Variants in CTNNA2 observed in about 807,000 individuals in gnomAD.
CTNNA2 encodes the protein catenin alpha-2.
Under a neutral mutation model 101.0 loss-of-function variants are expected in CTNNA2, and 42 were observed. That is an observed-to-expected ratio of 0.42 (90% CI 0.32 to 0.54). The LOEUF (loss-of-function observed/expected upper bound fraction) is 0.54, where lower values mean the gene tolerates loss of function less well. CTNNA2 is among the 20% of genes least tolerant of loss of function. The pLI is 0.14. For synonymous variants in CTNNA2, 450 were observed against 456.4 expected (o/e 0.99, Z 0.18); for missense variants, 871 against 1,223.1 (o/e 0.71, Z 4.29).
intron 4 of CTNNA2, among the ~76,000 whole-genome samples, chr2:79,390,864 G>C (rs1678164240): frequency 6.6e-6 from 1 of 152,054 alleles, no homozygotes; most frequent in African/African-American, 2.4e-5. Flanking sequence ...CAAAAAGACT[G>C]GTGCTCAACC....
chr2:80,529,622 C>T (rs981859001), intron 9 of CTNNA2, among the ~76,000 whole-genome samples: 2 of 152,068 alleles, frequency 1.3e-5, no homozygotes, highest in African/African-American at 2.4e-5. Flanking sequence ...ACTTGGATCC[C>T]ACAAAAGATT....
chr2:80,344,778 A>G, intron 7 of CTNNA2, among the ~76,000 whole-genome samples: 1 of 152,174 alleles, frequency 6.6e-6, no homozygotes, highest in African/African-American at 2.4e-5. Flanking sequence ...GAGCCACAAC[A>G]CATGGCCTCC....
intron 7 of CTNNA2, among the ~76,000 whole-genome samples, chr2:79,930,300 G>GAAAGAAAGAAAGAAAGAAAGAAAGAA (rs1687327617): frequency 2.9e-5 from 1 of 34,458 alleles, no homozygotes; most frequent in African/African-American, 1.3e-4. Flanking sequence ...GAAAGAGAAA[G>GAAAGAAAGAAAGAAAGAAAGAAAGAA]AAAGAAAGAA....
intron 7 of CTNNA2, among the ~76,000 whole-genome samples, chr2:79,936,237 C>G (rs1441457373): frequency 9.1e-6 from 1 of 110,432 alleles, no homozygotes; most frequent in Non-Finnish European, 1.8e-5. Context: ...TATTTTTTTT[C>G]TCATGCTGGG....
rs373929141 is a variant in CTNNA2, at chr2:80,441,790, G to A, written c.1290+22189G>A. Among the ~76,000 whole-genome samples, 19 of 152,330 alleles carry A rather than the reference G, an allele frequency of 1.2e-4. 1 individual carries two copies. In the East Asian group the frequency reaches 3.7e-3, roughly 29 times the overall value. On this transcript the variant is annotated intron_variant, in intron 9 of 18. Coordinates refer to ENST00000402739, the MANE Select transcript of CTNNA2 (RefSeq NM_001282597.3). ...ACACAAGAAATAAGTTGAGCCCAAA[G>A]ATTAGGTAAAATAGGAGAGGTCATG...
At chr2:80,529,829 C>T (rs1023442404) in intron 9 of CTNNA2, among the ~76,000 whole-genome samples, 1 of 152,132 alleles carries the variant, frequency 6.6e-6, no homozygotes, top group Non-Finnish European at 1.5e-5. Flanking sequence ...CAGACTGATT[C>T]AGCGAGGGGG....
At chr2:79,911,206 C>T (rs1227236856) in intron 7 of CTNNA2, among the ~76,000 whole-genome samples, 4 of 152,262 alleles carry the variant, frequency 2.6e-5, no homozygotes, top group South Asian at 2.1e-4. Context: ...GATGTGTCAA[C>T]GAAGAATGCT....
intron 1 of CTNNA2, among the ~76,000 whole-genome samples, chr2:79,568,609 G>A (rs1675261571): frequency 6.6e-6 from 1 of 151,546 alleles, no homozygotes; most frequent in African/African-American, 2.4e-5. Context: ...AAAAAGAAAA[G>A]TAACGAAAAG....
intron 6 of CTNNA2, among the ~76,000 whole-genome samples, chr2:79,881,780 T>C (rs923119904): frequency 2.6e-5 from 4 of 151,492 alleles, no homozygotes; most frequent in African/African-American, 2.4e-5. Flanking sequence ...TCTGTGTCTT[T>C]TAATTGGGCC....
intron 6 of CTNNA2, among the ~76,000 whole-genome samples, chr2:79,899,387 C>T (rs1028794058): frequency 6.6e-6 from 1 of 152,114 alleles, no homozygotes; most frequent in African/African-American, 2.4e-5. Context: ...AGCAACTCAG[C>T]AACACACAGA....
chr2:79,193,233 C>A (rs1262464956), intron 1 of CTNNA2, among the ~76,000 whole-genome samples: 1 of 151,874 alleles, frequency 6.6e-6, no homozygotes, highest in Non-Finnish European at 1.5e-5. Context: ...AGTGTTTTTT[C>A]CAGTTTCTTG....
At chr2:79,623,819 G>T (rs1231562317) in intron 1 of CTNNA2, among the ~76,000 whole-genome samples, 1 of 152,066 alleles carries the variant, frequency 6.6e-6, no homozygotes, top group Non-Finnish European at 1.5e-5. Context: ...ACATAAAATG[G>T]CTTGGATATT....
At chr2:80,600,510 C>T (rs1291786276) in intron 15 of CTNNA2, among the ~76,000 whole-genome samples, 4 of 151,750 alleles carry the variant, frequency 2.6e-5, no homozygotes, top group Admixed American at 2.6e-4. Context: ...TAGAAAGAGT[C>T]AATAGAAACA....
chr2:79,334,884 T>C (rs10192881), intron 3 of CTNNA2, among the ~76,000 whole-genome samples: 53,788 of 151,960 alleles, frequency 0.35, 9,989 homozygotes, highest in African/African-American at 0.46. Context: ...TCCTTGTTGG[T>C]TGATTAAATA....
chr2:80,109,514 T>C (rs1205138043), intron 7 of CTNNA2, among the ~76,000 whole-genome samples: 1 of 152,132 alleles, frequency 6.6e-6, no homozygotes, highest in Non-Finnish European at 1.5e-5. Flanking sequence ...ACTCCCAGGA[T>C]AGCCTCTGTC....
intron 2 of CTNNA2, among the ~76,000 whole-genome samples, chr2:79,301,590 C>G (rs1474560639): frequency 6.6e-6 from 1 of 152,182 alleles, no homozygotes; most frequent in African/African-American, 2.4e-5. Context: ...CCAACACTTA[C>G]AGATTATTTT....
chr2:79,670,185 C>T (rs530853178), intron 2 of CTNNA2, among the ~76,000 whole-genome samples: 236 of 152,302 alleles, frequency 1.5e-3, no homozygotes, highest in African/African-American at 5.4e-3. Flanking sequence ...GCAGGGCCCA[C>T]ACTTGTCCCG....
intron 4 of CTNNA2, among the ~76,000 whole-genome samples, chr2:79,495,047 G>A (rs540146924): frequency 6.6e-6 from 1 of 152,200 alleles, no homozygotes; most frequent in South Asian, 2.1e-4. Flanking sequence ...AGCTTGCAGT[G>A]AGCCGAGATT....
chr2:80,116,348 G>C (rs968819090), intron 7 of CTNNA2, among the ~76,000 whole-genome samples: 3 of 134,632 alleles, frequency 2.2e-5, no homozygotes, highest in African/African-American at 8.3e-5. Context: ...CTCATTCATA[G>C]TTTTTACATT....
Sources: gnomAD v4.1 joint callset for allele counts (sites outside exome capture counted in the v4.1 genomes callset) on GRCh38, gnomAD v4.1.1 for gene constraint, MANE v1.5 for transcripts, NCBI Gene and HGNC (gene_info 2026-07-23, HGNC 2026-07-21) for gene names.